CXCL11: variants seen among roughly 807,000 people sequenced by gnomAD.
CXCL11 encodes the protein C-X-C motif chemokine ligand 11.
CXCL11 carries 7 observed loss-of-function variants against 9.7 expected under a neutral mutation model. The ratio of observed to expected loss-of-function variants is 0.72; its 90% CI spans 0.41 to 1.36. The LOEUF is 1.36. CXCL11 is among the 40% of genes most tolerant of loss of function. The pLI is 0.01. For missense variants in CXCL11, 107 were observed against 113.4 expected, an observed-to-expected ratio of 0.94 and a Z score of 0.26; for synonymous variants, 35 against 34.4, an observed-to-expected ratio of 1.02 and a Z score of -0.06.
In CXCL11 at chr4:76,035,355, A is replaced by G. The variant is rs1734283493; in HGVS notation, c.62-13T>C. On this transcript the variant is annotated splice_polypyrimidine_tract_variant and intron_variant, in intron 1 of 3. Transcript: ENST00000306621. ...AACATGGGGAAGCCTAGAATAGATC[A>G]TAGCATTAGTTAGTAATGCATCTGA... is the stretch of plus-strand genomic sequence containing the variant. 1 of 1,612,980 alleles carries G rather than the reference A, an allele frequency of 6.2e-7. No individual in the cohort carries two copies. Among genetic ancestry groups the G allele is most frequent in the Non-Finnish European group, 8.5e-7 (1 of 1,179,506 alleles).
rs115261822 is a variant in CXCL11 at position 76,035,898 on chromosome 4, T to C, written c.61+29A>G. On this transcript the variant is annotated intron_variant, in intron 1 of 3. Transcript: ENST00000306621. ...TTTGAAACATTAGAAAAGGAACTTA[T>C]AGGTTGAGAAATAAAAATTACTGCA... The C allele has an allele frequency of 1.2e-4, 194 of 1,595,782 alleles. No homozygotes were observed. The African/African-American group carries it at 2.3e-3, about 19-fold the overall frequency.
At chr4:76,034,975 C>T (rs1734220655) in intron 3 of CXCL11, 72 bp downstream of exon 3, 1 of 1,456,634 alleles carries the variant, frequency 6.9e-7, no homozygotes, top group South Asian at 1.2e-5. Flanking sequence ...TAGTTGTCCA[C>T]ATTATTTTCT....
In CXCL11 at chr4:76,036,037, GC is replaced by G. The variant is rs1185380307; in HGVS notation, c.-51del. On this transcript the variant is annotated 5_prime_UTR_variant, in exon 1 of 4. Transcript: ENST00000306621. The stretch of plus-strand genomic sequence containing the variant: ...GTGCTGCTGCTGCTACTTCAGCTTT[GC>G]TGCTCTTCTTGGAAGGAGTAGAAAT... The G allele has an allele frequency of 6.4e-7, 1 of 1,562,886 alleles. No homozygotes were observed. Among genetic ancestry groups the G allele is most frequent in the Non-Finnish European group, 8.8e-7 (1 of 1,135,806 alleles).
In CXCL11 at chr4:76,035,360, ATTAG is replaced by A. The variant is rs755159031; in HGVS notation, c.62-22_62-19del. ...GGGGAAGCCTAGAATAGATCATAGC[ATTAG>A]TTAGTAATGCATCTGATTGCAACAG... On this transcript the variant is annotated intron_variant, in intron 1 of 3. Transcript: ENST00000306621. The A allele has an allele frequency of 4.4e-5, 71 of 1,612,216 alleles. No individual in the cohort carries two copies. Among genetic ancestry groups the A allele is most frequent in the Middle Eastern group, 1.6e-4 (1 of 6,082 alleles).
intron 1 of CXCL11, among the ~76,000 whole-genome samples, chr4:76,035,659 C>T (rs1431978078): frequency 6.6e-5 from 10 of 152,200 alleles, no homozygotes; most frequent in Admixed American, 6.5e-4. Context: ...ATAAAATCTT[C>T]TTAACAGACA....
In CXCL11 at chr4:76,034,621, C is replaced by A; in HGVS notation, c.*172G>T. The stretch of plus-strand genomic sequence containing the variant: ...GGAAGACTGTATTTCTGTTTTTGGT[C>A]CTTTCACCCACCTTTCATCCTTCAC... On this transcript the variant is annotated 3_prime_UTR_variant, in exon 4 of 4. Coordinates refer to ENST00000306621, the MANE Select transcript of CXCL11 (RefSeq NM_005409.5). The A allele has an allele frequency of 1.6e-6, 1 of 634,930 alleles. No individual in the cohort carries two copies. The highest frequency in any genetic ancestry group is 1.9e-5 in the South Asian group (1 of 52,498). The allele number at this position is 634,930 out of a possible 1,614,324, so 39.3% of individuals were successfully genotyped here. A position where few individuals can be genotyped will look rare whatever the true frequency, so the allele number is the denominator to read the frequency against.
rs763670498 is a variant in CXCL11, at chr4:76,035,895, T to G, written c.61+32A>C. 1.0e-5 allele frequency: 16 copies of G among 1,591,448 alleles called. No individual in the cohort carries two copies. The South Asian group carries it at 1.7e-4, about 17-fold the overall frequency. ...ACATTTGAAACATTAGAAAAGGAAC[T>G]TATAGGTTGAGAAATAAAAATTACT... is the stretch of plus-strand genomic sequence containing the variant. On this transcript the variant is annotated intron_variant, in intron 1 of 3. Transcript: ENST00000306621.
At chr4:76,035,536 A>G (rs1172864910) in intron 1 of CXCL11, among the ~76,000 whole-genome samples, 194 bp from the exon 2 acceptor site, 1 of 152,246 alleles carries the variant, frequency 6.6e-6, no homozygotes, top group Non-Finnish European at 1.5e-5. Context: ...TTAGTAAGCA[A>G]ATCGCTAACA....
At chr4:76,035,146 A>G (rs374510962) in intron 2 of CXCL11, 27 bp from the exon 3 acceptor site, 26 of 1,612,882 alleles carry the variant, frequency 1.6e-5, no homozygotes, top group Non-Finnish European at 2.1e-5. Context: ...CAAGAGTCTT[A>G]AAGTTTAGAT....
Position 76,033,717 on chromosome 4 carries a change from G to C in CXCL11, c.*1076C>G, listed in dbSNP as rs1490463406. 1 of 152,026 alleles carries C rather than the reference G, an allele frequency of 6.6e-6. No homozygotes were observed. The highest frequency in any genetic ancestry group is 2.4e-5 in the African/African-American group (1 of 41,406). The allele number at this position is 152,026 out of a possible 1,614,324, so 9.4% of individuals were successfully genotyped here. On this transcript the variant is annotated 3_prime_UTR_variant, in exon 4 of 4. Coordinates refer to ENST00000306621, the MANE Select transcript of CXCL11 (RefSeq NM_005409.5). ...AAAGAAAGGTTGTGGTAGTTTATTA[G>C]AGAAAAAAATGACTTTGATTCTTTA...
At position 76,034,785 on chromosome 4, in the gene CXCL11, T is replaced by G; in HGVS notation, c.*8A>C. ...CTCTTTTCCAGGACTTCATATGTTT[T>G]GATATTTTTAAAAATTCTTTCTTTC... On this transcript the variant is annotated 3_prime_UTR_variant, in exon 4 of 4. Transcript: ENST00000306621. The G allele has an allele frequency of 6.6e-7, 1 of 1,525,792 alleles. No homozygotes were observed. The highest frequency in any genetic ancestry group is 1.1e-5 in the South Asian group (1 of 86,970). 94.5% of individuals were successfully genotyped at this position (1,525,792 alleles called of 1,614,324 possible).
At position 76,034,259 on chromosome 4, in the gene CXCL11, G is replaced by C. The variant is rs1734136010; in HGVS notation, c.*534C>G. The C allele has an allele frequency of 2.5e-6, 1 of 394,236 alleles. No homozygotes were observed. The highest frequency in any genetic ancestry group is 4.5e-6 in the Non-Finnish European group (1 of 223,764). The allele number at this position is 394,236 out of a possible 1,614,324, so 24.4% of individuals were successfully genotyped here. On this transcript the variant is annotated 3_prime_UTR_variant, in exon 4 of 4. Transcript: ENST00000306621. ...AAAAAATGTTTGAGGAATGTTTTAC[G>C]ACACATAGATGCTTTTGACTTATAA... is the stretch of plus-strand genomic sequence containing the variant.
At chr4:76,035,434 A>G in intron 1 of CXCL11, 92 bp from the exon 2 acceptor site, 1 of 1,318,852 alleles carries the variant, frequency 7.6e-7, no homozygotes, top group Non-Finnish European at 1.1e-6. Flanking sequence ...CAGAATTTTC[A>G]TTAAGGGTAA....
intron 1 of CXCL11, among the ~76,000 whole-genome samples, chr4:76,035,669 A>T (rs1002583636): frequency 1.3e-5 from 2 of 152,230 alleles, no homozygotes; most frequent in African/African-American, 4.8e-5. Context: ...CTTAACAGAC[A>T]TTTAAAACTG....
At chr4:76,035,760 C>G (rs1734331263) in intron 1 of CXCL11, among the ~76,000 whole-genome samples, 167 bp downstream of exon 1, 1 of 152,216 alleles carries the variant, frequency 6.6e-6, no homozygotes, top group Non-Finnish European at 1.5e-5. Flanking sequence ...ATAATCATCT[C>G]TAGTATCTTA....
In CXCL11 at chr4:76,035,348, A is replaced by C. The variant is rs934836960; in HGVS notation, c.62-6T>G. On this transcript the variant is annotated splice_polypyrimidine_tract_variant and splice_region_variant and intron_variant, in intron 1 of 3. Transcript: ENST00000306621. Reference sequence around the variant, plus strand: ...TCTTTTGAACATGGGGAAGCCTAGAATAGATCATAGCATTAGTTAGTAATG... The same window carrying C: ...TCTTTTGAACATGGGGAAGCCTAGACTAGATCATAGCATTAGTTAGTAATG... 2.9e-5 allele frequency: 47 copies of C among 1,613,456 alleles called. No homozygotes were observed. The highest frequency in any genetic ancestry group is 3.8e-5 in the Non-Finnish European group (45 of 1,179,710).
In CXCL11 at chr4:76,035,253, T is replaced by A; in HGVS notation, c.151A>T (p.Met51Leu). 6.2e-7 allele frequency: 1 copy of A among 1,614,116 alleles called. No individual in the cohort carries two copies. Among genetic ancestry groups the A allele is most frequent in the Non-Finnish European group, 8.5e-7 (1 of 1,179,954 alleles). ...TTGTCACAGTTGTTACTTGGGTACA[T>A]TATGGAGGCTTTCTCAATATCTGCC... ...KVADIEKASI[M>L]YPSNNCDKIE... The change falls in exon 2 of 4, where the codon ATG (methionine) becomes TTG (leucine). Residue 51 changes from methionine (M) to leucine (L), a missense_variant. Coordinates refer to ENST00000306621, the MANE Select transcript of CXCL11 (RefSeq NM_005409.5).
rs980667331 is a variant in CXCL11 at position 76,034,758 on chromosome 4, T to G, written c.*35A>C. 1.4e-6 allele frequency: 2 copies of G among 1,446,224 alleles called. No homozygotes were observed. The allele number at this position is 1,446,224 out of a possible 1,614,324, so 89.6% of individuals were successfully genotyped here. On this transcript the variant is annotated 3_prime_UTR_variant, in exon 4 of 4. Transcript: ENST00000306621. ...TTAAACTTGTTCTAGGTTTTTCAGA[T>G]GCTCTTTTCCAGGACTTCATATGTT... is the stretch of plus-strand genomic sequence containing the variant.
chr4:76,035,330 A>G lies in CXCL11; in HGVS notation c.74T>C (p.Phe25Ser), dbSNP rs1317528280. Residue 25 changes from phenylalanine (F) to serine (S), a missense_variant, in exon 2 of 4, where the codon TTC becomes TCC. Physicochemically the swap from Phe to Ser is radical, Grantham distance 155 (BLOSUM62 -2). Transcript: ENST00000306621. ...TATGCAAAGACAGCGTCCTCTTTTG[A>G]ACATGGGGAAGCCTAGAATAGATCA... ...CATVVQGFPM[F>S]KRGRCLCIGP... 6.2e-7 allele frequency: 1 copy of G among 1,614,012 alleles called. No individual in the cohort carries two copies. The highest frequency in any genetic ancestry group is 1.3e-5 in the African/African-American group (1 of 75,064).
Sources: gnomAD v4.1 joint callset for allele counts (sites outside exome capture counted in the v4.1 genomes callset) on GRCh38, gnomAD v4.1.1 for gene constraint, MANE v1.5 for transcripts, NCBI Gene and HGNC (gene_info 2026-07-23, HGNC 2026-07-21) for gene names.